The following PRKCA variants were observed in gnomAD, a reference collection of about 807,000 sequenced individuals.
PRKCA encodes the protein protein kinase C alpha type.
PRKCA carries 27 observed loss-of-function variants against 87.0 expected under a neutral mutation model. The ratio of observed to expected loss-of-function variants is 0.31; its 90% CI spans 0.23 to 0.43. PRKCA has a LOEUF of 0.43. Among genes scored for constraint, PRKCA ranks in the 20% least tolerant of loss-of-function variants. The pLI, the probability that PRKCA is intolerant of heterozygous loss-of-function variation, is 1.00. For synonymous variants in PRKCA, 329 were observed against 311.1 expected (o/e 1.06, Z -0.61); for missense variants, 518 against 852.3 (o/e 0.61, Z 4.88).
At chr17:66,535,658 G>T (rs1967753325) in intron 3 of PRKCA, among the ~76,000 whole-genome samples, 2 of 152,202 alleles carry the variant, frequency 1.3e-5, no homozygotes, top group Admixed American at 1.3e-4. Context: ...GCTGGTGTCA[G>T]TTCCCTGTTG....
intron 3 of PRKCA, among the ~76,000 whole-genome samples, chr17:66,536,216 A>G (rs1026513836): frequency 7.2e-5 from 11 of 152,242 alleles, no homozygotes; most frequent in Admixed American, 2.6e-4. Flanking sequence ...ATGCTGTGTA[A>G]GAAATATGAG....
At chr17:66,550,010 C>T (rs1374308991) in intron 3 of PRKCA, among the ~76,000 whole-genome samples, 1 of 152,212 alleles carries the variant, frequency 6.6e-6, no homozygotes, top group Admixed American at 6.5e-5. Context: ...TCTTTAGACT[C>T]TTAAGACCCC....
At chr17:66,500,670 G>A (rs1916686892) in intron 3 of PRKCA, among the ~76,000 whole-genome samples, 2 of 152,174 alleles carry the variant, frequency 1.3e-5, no homozygotes. Flanking sequence ...AGATGTTGGT[G>A]GCTTGACTGG....
At chr17:66,342,090 G>A (rs1907071894) in intron 2 of PRKCA, among the ~76,000 whole-genome samples, 1 of 152,172 alleles carries the variant, frequency 6.6e-6, no homozygotes, top group African/African-American at 2.4e-5. Context: ...GTCAGTTGTG[G>A]TCCCTACTTT....
intron 3 of PRKCA, among the ~76,000 whole-genome samples, chr17:66,546,543 C>T (rs1249079511): frequency 6.6e-6 from 1 of 152,196 alleles, no homozygotes; most frequent in Non-Finnish European, 1.5e-5. Flanking sequence ...CTGCATCTCT[C>T]CAGTTTCCGC....
In PRKCA at chr17:66,672,335, G is replaced by T. The variant is rs79074751; in HGVS notation, c.530-14776G>T. ...GTCAGGCAGAAATAAATACAAATGG[G>T]CAAATAACCATGGAAAAAAAATTTA... is the stretch of plus-strand genomic sequence containing the variant. On this transcript the variant is annotated intron_variant, in intron 5 of 16. Transcript: ENST00000413366. Among the ~76,000 whole-genome samples, 241 of 152,128 alleles carry T rather than the reference G, an allele frequency of 1.6e-3. 1 individual carries two copies. Among genetic ancestry groups the T allele is most frequent in the African/African-American group, 5.7e-3 (235 of 41,500 alleles).
At chr17:66,485,277 C>T (rs1412672568) in intron 2 of PRKCA, among the ~76,000 whole-genome samples, 3 of 152,190 alleles carry the variant, frequency 2.0e-5, no homozygotes, top group Admixed American at 6.5e-5. Flanking sequence ...GAAAAATACA[C>T]CACATTTAGC....
At chr17:66,315,842 C>T (rs1905287584) in intron 2 of PRKCA, among the ~76,000 whole-genome samples, 1 of 152,188 alleles carries the variant, frequency 6.6e-6, no homozygotes, top group Admixed American at 6.5e-5. Flanking sequence ...GAGCTTATGG[C>T]CTGATACATG....
chr17:66,498,203 C>T (rs1315183354), intron 3 of PRKCA, among the ~76,000 whole-genome samples: 1 of 147,982 alleles, frequency 6.8e-6, no homozygotes, highest in Non-Finnish European at 1.5e-5. Flanking sequence ...GGAATATTGT[C>T]TTCCTTTGGG....
chr17:66,679,657 G>T (rs2143995118), intron 5 of PRKCA, among the ~76,000 whole-genome samples: 1 of 152,298 alleles, frequency 6.6e-6, no homozygotes, highest in Non-Finnish European at 1.5e-5. Flanking sequence ...TGTGCTCTTT[G>T]GCCACCCATC....
rs148561503 is a variant in PRKCA at position 66,333,973 on chromosome 17, G to A, written c.205+27846G>A. Among the ~76,000 whole-genome samples the A allele has an allele frequency of 5.3e-3, 801 of 152,230 alleles. 4 individuals are homozygous for A. The highest frequency in any genetic ancestry group is 0.018 in the African/African-American group (751 of 41,536). ...GCAAATAAAGTGTAAAAAAGAGGCC[G>A]GGCACAGTGGCTCATGCCTGTAATC... On this transcript the variant is annotated intron_variant, in intron 2 of 16. Transcript: ENST00000413366.
At chr17:66,483,991 G>GA (rs375193242) in intron 2 of PRKCA, among the ~76,000 whole-genome samples, 4 of 151,348 alleles carry the variant, frequency 2.6e-5, no homozygotes, top group Non-Finnish European at 5.9e-5. Context: ...AATTTATTAA[G>GA]AAAAAAAAAG....
chr17:66,364,478 T>C (rs75657569), intron 2 of PRKCA, among the ~76,000 whole-genome samples: 1,911 of 152,246 alleles, frequency 0.013, 43 homozygotes, highest in African/African-American at 0.044. Flanking sequence ...AATTTGATCT[T>C]AGGGAATGGA....
intron 14 of PRKCA, among the ~76,000 whole-genome samples, chr17:66,784,637 G>A (rs937173706): frequency 1.3e-5 from 2 of 152,210 alleles, no homozygotes; most frequent in Non-Finnish European, 1.5e-5. Flanking sequence ...AATGTTATGG[G>A]TATCATAAAA....
chr17:66,719,322 G>A (rs935905069), intron 8 of PRKCA, among the ~76,000 whole-genome samples: 1 of 152,170 alleles, frequency 6.6e-6, no homozygotes, highest in Non-Finnish European at 1.5e-5. Context: ...AAGGGGAGAA[G>A]CAGGTTACAA....
chr17:66,452,648 C>T (rs1440533036), intron 2 of PRKCA, among the ~76,000 whole-genome samples: 1 of 152,136 alleles, frequency 6.6e-6, no homozygotes, highest in African/African-American at 2.4e-5. Context: ...AAGAAACCCA[C>T]CAGTGGGTTC....
intron 13 of PRKCA, among the ~76,000 whole-genome samples, chr17:66,749,749 C>T (rs994124801): frequency 6.6e-6 from 1 of 152,104 alleles, no homozygotes; most frequent in East Asian, 1.9e-4. Flanking sequence ...GGGGAGACAC[C>T]GCAGGAGGAC....
chr17:66,687,078 T>C, intron 5 of PRKCA, 33 bp from the exon 6 acceptor site: 1 of 1,573,442 alleles, frequency 6.4e-7, no homozygotes, highest in South Asian at 1.1e-5. Context: ...TCTGTTCTCT[T>C]TTTGTAATAT....
chr17:66,657,696 G>A (rs566535100), intron 5 of PRKCA, among the ~76,000 whole-genome samples: 2 of 152,272 alleles, frequency 1.3e-5, no homozygotes, highest in East Asian at 3.9e-4. Flanking sequence ...TGTATGTGCA[G>A]TGAATGTTAG....
Sources: allele counts gnomAD v4.1 joint callset (sites outside exome capture counted in the v4.1 genomes callset), GRCh38; gene constraint gnomAD v4.1.1; transcripts MANE v1.5; gene names NCBI Gene and HGNC (gene_info 2026-07-23, HGNC 2026-07-21).